The following SLC44A5 variants were observed in gnomAD, a reference collection of about 807,000 sequenced individuals.
The protein encoded by SLC44A5 is solute carrier family 44 member 5.
A neutral mutation model predicts 101.8 loss-of-function variants in SLC44A5; 57 were observed. The ratio of observed to expected loss-of-function variants is 0.56; its 90% CI spans 0.45 to 0.70. SLC44A5 has a LOEUF of 0.70. SLC44A5 is among the 30% of genes least tolerant of loss of function. The pLI is 0.00. For synonymous variants in SLC44A5, 281 were observed against 290.9 expected (o/e 0.97, Z 0.35); for missense variants, 737 against 853.1 (o/e 0.86, Z 1.70).
intron 2 of SLC44A5, among the ~76,000 whole-genome samples, chr1:75,481,260 G>A (rs1667826857): frequency 6.6e-6 from 1 of 152,098 alleles, no homozygotes; most frequent in African/African-American, 2.4e-5. Flanking sequence ...AATTCAAGAT[G>A]GATTAAAGAC....
At chr1:75,282,829 C>A in intron 5 of SLC44A5, among the ~76,000 whole-genome samples, 1 of 152,130 alleles carries the variant, frequency 6.6e-6, no homozygotes. Flanking sequence ...TGAGGTCTCC[C>A]CAGCCATGCT....
chr1:75,434,084 G>T (rs1320297983), intron 2 of SLC44A5, among the ~76,000 whole-genome samples: 1 of 152,032 alleles, frequency 6.6e-6, no homozygotes, highest in Non-Finnish European at 1.5e-5. Flanking sequence ...AATTCGGATG[G>T]AGACACAGCC....
At chr1:75,352,927 A>G (rs1487574091) in intron 3 of SLC44A5, among the ~76,000 whole-genome samples, 2 of 152,186 alleles carry the variant, frequency 1.3e-5, no homozygotes, top group Non-Finnish European at 2.9e-5. Flanking sequence ...CTTCTTTGCT[A>G]AAGTAATCAC....
chr1:75,401,004 G>T (rs563474372), intron 2 of SLC44A5, among the ~76,000 whole-genome samples: 1 of 152,172 alleles, frequency 6.6e-6, no homozygotes. Context: ...CTTGTAAGGT[G>T]AGCCTCTGAA....
intron 1 of SLC44A5, among the ~76,000 whole-genome samples, chr1:75,600,063 AGT>A (rs1169654477): frequency 6.6e-6 from 1 of 152,170 alleles, no homozygotes; most frequent in African/African-American, 2.4e-5. Context: ...GAGACCCCTT[AGT>A]GCAGAGGTGG....
intron 4 of SLC44A5, among the ~76,000 whole-genome samples, chr1:75,328,213 G>A (rs994466138): frequency 3.3e-5 from 5 of 152,116 alleles, no homozygotes; most frequent in African/African-American, 1.2e-4. Context: ...CCAAAAGAAT[G>A]TACACTTAAA....
chr1:75,529,183 T>C (rs1670587825), intron 2 of SLC44A5, among the ~76,000 whole-genome samples: 1 of 152,176 alleles, frequency 6.6e-6, no homozygotes, highest in Admixed American at 6.5e-5. Flanking sequence ...TACAAATATT[T>C]AGTAACCCAA....
intron 2 of SLC44A5, among the ~76,000 whole-genome samples, chr1:75,427,293 C>T (rs961830804): frequency 1.3e-4 from 20 of 152,210 alleles, no homozygotes; most frequent in African/African-American, 4.8e-4. Flanking sequence ...AGTCAGATTG[C>T]ATTTTGATTT....
intron 11 of SLC44A5, 62 bp from the exon 12 acceptor site, chr1:75,234,160 T>C: frequency 8.5e-7 from 1 of 1,175,690 alleles, no homozygotes. Flanking sequence ...ATTACAAACA[T>C]CAAGACAAAA....
intron 6 of SLC44A5, among the ~76,000 whole-genome samples, chr1:75,270,406 T>C (rs114241487): frequency 0.016 from 2,483 of 152,214 alleles, 60 homozygotes; most frequent in South Asian, 0.047. Flanking sequence ...ATTTAGTAAT[T>C]GTTTTAGAAA....
chr1:75,245,354 C>T (rs1649013462), intron 7 of SLC44A5, among the ~76,000 whole-genome samples: 1 of 152,108 alleles, frequency 6.6e-6, no homozygotes, highest in Admixed American at 6.6e-5. Flanking sequence ...TCACAGCATG[C>T]AACACACCCA....
chr1:75,449,048 T>C (rs762422530), intron 2 of SLC44A5, among the ~76,000 whole-genome samples: 26 of 152,164 alleles, frequency 1.7e-4, no homozygotes, highest in Admixed American at 7.2e-4. Flanking sequence ...TTCTCTTCCA[T>C]TTGCCTCACT....
the SLC44A5 span, among the ~76,000 whole-genome samples, chr1:75,642,332 G>A: frequency 6.6e-6 from 1 of 152,036 alleles, no homozygotes; most frequent in South Asian, 2.1e-4. Context: ...CAAAGACAGT[G>A]AGGCTACTGC....
At chr1:75,644,546 C>T in the SLC44A5 span, among the ~76,000 whole-genome samples, 1 of 151,730 alleles carries the variant, frequency 6.6e-6, no homozygotes, top group Non-Finnish European at 1.5e-5. Context: ...CTTCACCCAT[C>T]ACAGGGTTCA....
chr1:75,410,734 T>C (rs958749237), intron 2 of SLC44A5, among the ~76,000 whole-genome samples: 1 of 152,150 alleles, frequency 6.6e-6, no homozygotes, highest in African/African-American at 2.4e-5. Context: ...CTGGTATAAC[T>C]GATTTTTTGC....
chr1:75,470,140 C>A (rs760236919), intron 2 of SLC44A5, among the ~76,000 whole-genome samples: 1 of 152,054 alleles, frequency 6.6e-6, no homozygotes, highest in Non-Finnish European at 1.5e-5. Flanking sequence ...AAGATAAGAG[C>A]TTTTCATAAC....
the SLC44A5 span, among the ~76,000 whole-genome samples, chr1:75,680,632 A>G: frequency 6.6e-6 from 1 of 151,416 alleles, no homozygotes; most frequent in African/African-American, 2.4e-5. Flanking sequence ...GGAAATTTAT[A>G]GCACTAAATG....
chr1:75,372,400 C>G (rs1660289822), intron 3 of SLC44A5, among the ~76,000 whole-genome samples: 1 of 152,068 alleles, frequency 6.6e-6, no homozygotes, highest in African/African-American at 2.4e-5. Context: ...ATTAAGATTA[C>G]AGGAGAATAT....
intron 6 of SLC44A5, among the ~76,000 whole-genome samples, chr1:75,253,833 C>T (rs1465511452): frequency 2.6e-5 from 4 of 152,082 alleles, no homozygotes; most frequent in African/African-American, 9.7e-5. Flanking sequence ...TCTTTACATC[C>T]TACCTTGCCA....
Sources: gnomAD v4.1 joint callset for allele counts (sites outside exome capture counted in the v4.1 genomes callset) on GRCh38, gnomAD v4.1.1 for gene constraint, MANE v1.5 for transcripts, NCBI Gene and HGNC (gene_info 2026-07-23, HGNC 2026-07-21) for gene names.